The following ATL2 variants were observed in gnomAD, a reference collection of about 807,000 sequenced individuals.
The protein encoded by ATL2 is atlastin-2.
Under a neutral mutation model 73.9 loss-of-function variants are expected in ATL2, and 31 were observed. The ratio of observed to expected loss-of-function variants is 0.42; its 90% CI spans 0.32 to 0.57. ATL2 has a LOEUF of 0.57. Among genes scored for constraint, ATL2 ranks in the 20% least tolerant of loss-of-function variants. The probability of loss-of-function intolerance (pLI) is 0.14; values close to 1 mark genes in which losing one functional copy is unlikely to be tolerated. For synonymous variants in ATL2, 291 were observed against 237.5 expected (o/e 1.23, Z -2.07); for missense variants, 738 against 702.6 (o/e 1.05, Z -0.57).
chr2:38,309,364 T>TAAGAGC lies in ATL2; in HGVS notation c.1071+9_1071+14dup. The TAAGAGC allele has an allele frequency of 6.3e-7, 1 of 1,594,328 alleles. No individual in the cohort carries two copies. The highest frequency in any genetic ancestry group is 1.1e-5 in the South Asian group (1 of 88,068). On this transcript the variant is annotated intron_variant, in intron 9 of 12. Coordinates refer to ENST00000378954, the MANE Select transcript of ATL2 (RefSeq NM_001135673.4). Reference sequence around the variant, plus strand: ...CATTTCTATCTTAGACAAAACTGTTTAAGAGCTCACCTACCTTAAAATATT... The same window carrying TAAGAGC: ...CATTTCTATCTTAGACAAAACTGTTTAAGAGCAAGAGCTCACCTACCTTAAAATATT...
At chr2:38,334,876 T>TTATATGA (rs1669225758) in intron 2 of ATL2, among the ~76,000 whole-genome samples, 1 of 39,196 alleles carries the variant, frequency 2.6e-5, no homozygotes, top group Non-Finnish European at 8.9e-5. Flanking sequence ...ATATAATATA[T>TTATATGA]ATTATATAAT....
chr2:38,322,459 T>C (rs1396316602), intron 2 of ATL2, among the ~76,000 whole-genome samples: 3 of 152,190 alleles, frequency 2.0e-5, no homozygotes, highest in African/African-American at 7.2e-5. Flanking sequence ...GTACTCCCTT[T>C]TGAGCATGGG....
chr2:38,377,766 C>T (rs1290435894), upstream of ATL2, among the ~76,000 whole-genome samples: 1 of 151,520 alleles, frequency 6.6e-6, no homozygotes, highest in African/African-American at 2.4e-5. Context: ...TTCCCCTCCT[C>T]TCTCCCCATC....
intron 9 of ATL2, among the ~76,000 whole-genome samples, chr2:38,307,414 G>A (rs1299276183): frequency 6.7e-6 from 1 of 149,418 alleles, no homozygotes; most frequent in Non-Finnish European, 1.5e-5. Flanking sequence ...CAGGCGAATT[G>A]CTTGAACCTG....
chr2:38,307,432 G>T (rs1425503500), intron 9 of ATL2, among the ~76,000 whole-genome samples: 4 of 151,052 alleles, frequency 2.6e-5, no homozygotes, highest in African/African-American at 9.7e-5. Flanking sequence ...CTGGGAGGCG[G>T]ACGTTACAGC....
chr2:38,359,179 C>T (rs1670862394), intron 1 of ATL2, among the ~76,000 whole-genome samples: 1 of 152,128 alleles, frequency 6.6e-6, no homozygotes. Context: ...TTTAAAAATG[C>T]TTTAAAGAGG....
chr2:38,351,877 C>T (rs890803451), intron 1 of ATL2, among the ~76,000 whole-genome samples: 3 of 151,590 alleles, frequency 2.0e-5, no homozygotes, highest in Non-Finnish European at 2.9e-5. Context: ...TCTGGGAGGC[C>T]GAGGAAGTCA....
At chr2:38,348,676 T>C (rs1354591137) in intron 1 of ATL2, among the ~76,000 whole-genome samples, 1 of 148,330 alleles carries the variant, frequency 6.7e-6, no homozygotes, top group Non-Finnish European at 1.5e-5. Context: ...ACAAATGGTA[T>C]CTAATTAAAC....
At chr2:38,305,904 TAGA>T (rs764476877) in intron 9 of ATL2, among the ~76,000 whole-genome samples, 43 of 151,676 alleles carry the variant, frequency 2.8e-4, no homozygotes, top group African/African-American at 9.7e-4. Context: ...AACCCAAAAT[TAGA>T]AGAAGTTAGC....
chr2:38,312,723 A>AAAG (rs1558397446), intron 7 of ATL2, among the ~76,000 whole-genome samples: 5 of 149,292 alleles, frequency 3.3e-5, no homozygotes, highest in African/African-American at 1.3e-4. Flanking sequence ...AAAAAAAAAA[A>AAAG]AAGAAGGTGC....
chr2:38,354,995 T>C (rs1305163671), intron 1 of ATL2, among the ~76,000 whole-genome samples: 1 of 151,966 alleles, frequency 6.6e-6, no homozygotes, highest in African/African-American at 2.4e-5. Flanking sequence ...AAGAGATGAA[T>C]GAAAAACACG....
At chr2:38,303,699 T>A (rs968531901) in intron 9 of ATL2, among the ~76,000 whole-genome samples, 9 of 152,110 alleles carry the variant, frequency 5.9e-5, no homozygotes, top group African/African-American at 2.2e-4. Context: ...AGAAAGTTTA[T>A]ACAAAGCAAT....
At chr2:38,368,577 A>G (rs1671486565) in intron 1 of ATL2, among the ~76,000 whole-genome samples, 1 of 152,204 alleles carries the variant, frequency 6.6e-6, no homozygotes, top group African/African-American at 2.4e-5. Flanking sequence ...AAGCACTCCA[A>G]TAGCATGCCT....
chr2:38,324,881 G>T (rs1668511139), intron 2 of ATL2, among the ~76,000 whole-genome samples: 1 of 152,202 alleles, frequency 6.6e-6, no homozygotes, highest in African/African-American at 2.4e-5. Flanking sequence ...GGGGATTGGG[G>T]AGAGAAATGG....
intron 1 of ATL2, among the ~76,000 whole-genome samples, chr2:38,354,977 A>G (rs1451895722): frequency 6.6e-6 from 1 of 152,210 alleles, no homozygotes; most frequent in Non-Finnish European, 1.5e-5. Flanking sequence ...AATAAGAACA[A>G]AAGACAAAAG....
intron 6 of ATL2, 137 bp downstream of exon 6, chr2:38,314,471 G>A (rs1056910326): frequency 1.7e-6 from 1 of 591,638 alleles, no homozygotes; most frequent in East Asian, 2.9e-5. Flanking sequence ...TACTACCAAA[G>A]GTTAGTTTCG....
chr2:38,307,510 A>G (rs937308783), intron 9 of ATL2, among the ~76,000 whole-genome samples: 1 of 152,052 alleles, frequency 6.6e-6, no homozygotes, highest in African/African-American at 2.4e-5. Flanking sequence ...AAAAGAAAAA[A>G]AGAAGAAAAC....
chr2:38,358,071 G>C (rs527349158), intron 1 of ATL2, among the ~76,000 whole-genome samples: 2 of 152,140 alleles, frequency 1.3e-5, no homozygotes, highest in Non-Finnish European at 2.9e-5. Flanking sequence ...GATTGAGCTT[G>C]AAACTGCATT....
At chr2:38,364,548 A>G (rs113321827) in intron 1 of ATL2, among the ~76,000 whole-genome samples, 271 of 152,352 alleles carry the variant, frequency 1.8e-3, no homozygotes, top group Non-Finnish European at 2.9e-3. Context: ...AAATTATTCC[A>G]TATTTGTTAT....
Sources: gnomAD v4.1 joint callset for allele counts (sites outside exome capture counted in the v4.1 genomes callset) on GRCh38, gnomAD v4.1.1 for gene constraint, MANE v1.5 for transcripts, NCBI Gene and HGNC (gene_info 2026-07-23, HGNC 2026-07-21) for gene names.